Variants in PIP5K1B observed in about 807,000 individuals in gnomAD.
PIP5K1B encodes the protein phosphatidylinositol-4-phosphate 5-kinase type 1 beta.
A neutral mutation model predicts 67.0 loss-of-function variants in PIP5K1B; 42 were observed. That is an observed-to-expected ratio of 0.63 (90% CI 0.49 to 0.81). The LOEUF (loss-of-function observed/expected upper bound fraction) is 0.81. PIP5K1B is among the 30% of genes least tolerant of loss of function. PIP5K1B has a pLI of 0.00. For missense variants in PIP5K1B, 459 were observed against 646.3 expected, an observed-to-expected ratio of 0.71 and a Z score of 3.14; for synonymous variants, 214 against 231.4, an observed-to-expected ratio of 0.92 and a Z score of 0.68.
intron 2 of PIP5K1B, among the ~76,000 whole-genome samples, chr9:68,760,866 C>T (rs1368172900): frequency 6.6e-6 from 1 of 152,104 alleles, no homozygotes; most frequent in African/African-American, 2.4e-5. Context: ...TGGCTTCATT[C>T]TAAAGAGTCC....
At position 68,808,657 on chromosome 9, in the gene PIP5K1B, A is replaced by C. The variant is rs1200910576; in HGVS notation, c.-85-9804A>C. 3.3e-5 allele frequency among the ~76,000 whole-genome samples: 5 copies of C among 152,388 alleles called. No individual in the cohort carries two copies. In the East Asian group the frequency reaches 9.6e-4, roughly 29 times the overall value. On this transcript the variant is annotated intron_variant, in intron 2 of 15. Coordinates refer to ENST00000265382, the MANE Select transcript of PIP5K1B (RefSeq NM_003558.4). ...CTTTTAGCACAACCTTTGTTGGGAA[A>C]ATGAATTACAAGTGGTTCATTTGAT...
chr9:68,748,550 C>T (rs546929422), intron 2 of PIP5K1B, among the ~76,000 whole-genome samples: 27 of 151,592 alleles, frequency 1.8e-4, no homozygotes, highest in Non-Finnish European at 2.2e-4. Context: ...GCTTAGAATA[C>T]GCCTGGATTT....
intron 5 of PIP5K1B, among the ~76,000 whole-genome samples, chr9:68,869,571 A>G (rs1195144079): frequency 6.6e-6 from 1 of 152,228 alleles, no homozygotes; most frequent in African/African-American, 2.4e-5. Context: ...AGCCACATCC[A>G]TTCATTTACA....
intron 2 of PIP5K1B, among the ~76,000 whole-genome samples, chr9:68,810,512 C>T (rs901382078): frequency 2.0e-5 from 3 of 152,114 alleles, no homozygotes; most frequent in Admixed American, 6.5e-5. Flanking sequence ...GGCTAGTGTC[C>T]CTTAACCTCT....
At chr9:68,792,512 C>T (rs112530818) in intron 2 of PIP5K1B, among the ~76,000 whole-genome samples, 108 of 152,202 alleles carry the variant, frequency 7.1e-4, no homozygotes, top group African/African-American at 2.4e-3. Context: ...CAGAGTCTCG[C>T]TCTGTCGCCC....
chr9:68,970,101 T>C (rs1028622555), intron 14 of PIP5K1B, among the ~76,000 whole-genome samples: 2 of 152,210 alleles, frequency 1.3e-5, no homozygotes, highest in African/African-American at 4.8e-5. Flanking sequence ...AGATAGGTAG[T>C]AGCAGAATCA....
At chr9:68,962,269 C>T (rs908627773) in intron 14 of PIP5K1B, among the ~76,000 whole-genome samples, 3 of 151,852 alleles carry the variant, frequency 2.0e-5, no homozygotes, top group Admixed American at 1.3e-4. Context: ...TGTGTAAAAT[C>T]AAAAGATTTG....
intron 15 of PIP5K1B, among the ~76,000 whole-genome samples, chr9:68,996,265 T>C (rs1830597524): frequency 6.6e-6 from 1 of 152,186 alleles, no homozygotes; most frequent in South Asian, 2.1e-4. Context: ...TTAAAAAGGA[T>C]TGGTGAGTTG....
intron 7 of PIP5K1B, among the ~76,000 whole-genome samples, chr9:68,889,645 G>A (rs570623075): frequency 5.3e-5 from 8 of 149,572 alleles, no homozygotes; most frequent in African/African-American, 1.7e-4. Flanking sequence ...TGAGGCAGGA[G>A]AATGGCATGA....
chr9:68,940,893 G>A, intron 14 of PIP5K1B, 103 bp downstream of exon 14: 1 of 1,065,908 alleles, frequency 9.4e-7, no homozygotes, highest in Non-Finnish European at 1.4e-6. Context: ...CAACCAGGAT[G>A]TGCCTGTCAT....
In PIP5K1B at chr9:68,886,814, G is replaced by T. The variant is rs56190398; in HGVS notation, c.319-2167G>T. On this transcript the variant is annotated intron_variant, in intron 6 of 15. Coordinates refer to ENST00000265382, the MANE Select transcript of PIP5K1B (RefSeq NM_003558.4). The stretch of plus-strand genomic sequence containing the variant: ...GTCCTCTGCTCCAGACCCTCCAATG[G>T]CTTTTCGGCCCCCTTAGAGAAAACA... Among the ~76,000 whole-genome samples the T allele has an allele frequency of 7.0e-3, 1,066 of 152,184 alleles. 18 individuals carry two copies. The highest frequency in any genetic ancestry group is 0.024 in the African/African-American group (1,011 of 41,506).
intron 2 of PIP5K1B, among the ~76,000 whole-genome samples, chr9:68,762,224 C>T (rs564823430): frequency 2.6e-4 from 40 of 152,140 alleles, no homozygotes; most frequent in South Asian, 6.2e-4. Context: ...AAATAAAATG[C>T]ATTATCTAAG....
intron 6 of PIP5K1B, among the ~76,000 whole-genome samples, chr9:68,886,177 T>C (rs1824463325): frequency 6.6e-6 from 1 of 150,788 alleles, no homozygotes; most frequent in Non-Finnish European, 1.5e-5. Flanking sequence ...AGACTCCGTC[T>C]GAAAAAAAAA....
At chr9:68,968,310 A>G (rs1829146369) in intron 14 of PIP5K1B, among the ~76,000 whole-genome samples, 1 of 152,190 alleles carries the variant, frequency 6.6e-6, no homozygotes, top group East Asian at 1.9e-4. Context: ...ACTTGAGGTC[A>G]GGAGTTCGAG....
intron 14 of PIP5K1B, among the ~76,000 whole-genome samples, chr9:68,952,406 C>G (rs922846681): frequency 6.6e-6 from 1 of 152,182 alleles, no homozygotes; most frequent in Non-Finnish European, 1.5e-5. Flanking sequence ...CCTCTCTGCT[C>G]CATCATTCTG....
At chr9:68,728,059 G>A (rs188477592) in intron 1 of PIP5K1B, among the ~76,000 whole-genome samples, 2 of 152,334 alleles carry the variant, frequency 1.3e-5, no homozygotes, top group Non-Finnish European at 2.9e-5. Context: ...GGCAAGATAA[G>A]GAGTAGAATG....
intron 8 of PIP5K1B, among the ~76,000 whole-genome samples, 168 bp from the exon 9 acceptor site, chr9:68,917,380 C>CT (rs1826152499): frequency 6.6e-6 from 1 of 152,152 alleles, no homozygotes; most frequent in Non-Finnish European, 1.5e-5. Flanking sequence ...TGCATGTGGC[C>CT]TAATAATAAC....
chr9:68,716,299 C>G (rs1827630433), intron 1 of PIP5K1B, among the ~76,000 whole-genome samples: 1 of 152,200 alleles, frequency 6.6e-6, no homozygotes, highest in African/African-American at 2.4e-5. Context: ...GATGCCATAA[C>G]ATATAACTTG....
chr9:68,987,135 T>C (rs1331061626), intron 14 of PIP5K1B, among the ~76,000 whole-genome samples: 1 of 151,924 alleles, frequency 6.6e-6, no homozygotes, highest in Non-Finnish European at 1.5e-5. Flanking sequence ...GCCTGTAATC[T>C]CATTTACTCA....
Sources: gnomAD v4.1 joint callset for allele counts (sites outside exome capture counted in the v4.1 genomes callset) on GRCh38, gnomAD v4.1.1 for gene constraint, MANE v1.5 for transcripts, NCBI Gene and HGNC (gene_info 2026-07-23, HGNC 2026-07-21) for gene names.